The following ANGPT2 variants were observed in gnomAD, a reference collection of about 807,000 sequenced individuals.
ANGPT2 encodes the protein angiopoietin-2.
In ANGPT2, 28 loss-of-function variants were observed where a neutral mutation model predicts 62.9. The observed-to-expected ratio is 0.44, with a 90% CI of 0.33 to 0.61. The LOEUF is 0.61. Ranked by LOEUF, ANGPT2 falls within the 20% of genes least tolerant of loss-of-function variation. ANGPT2 has a pLI of 0.03. For synonymous variants in ANGPT2, 284 were observed against 207.8 expected (o/e 1.37, Z -3.15); for missense variants, 727 against 594.9 (o/e 1.22, Z -2.31).
chr8:6,516,081 C>A (rs1173754706), intron 5 of ANGPT2, among the ~76,000 whole-genome samples: 2 of 152,144 alleles, frequency 1.3e-5, no homozygotes, highest in African/African-American at 4.8e-5. Flanking sequence ...GTATTGCCTT[C>A]CCCAGTGGCA....
At chr8:6,533,613 C>G (rs542641530) in intron 1 of ANGPT2, among the ~76,000 whole-genome samples, 1 of 136,282 alleles carries the variant, frequency 7.3e-6, no homozygotes, top group East Asian at 2.4e-4. Flanking sequence ...ATGATGGGAA[C>G]CATTCTTCCA....
intron 2 of ANGPT2, 56 bp from the exon 3 acceptor site, chr8:6,527,732 T>A: frequency 6.8e-7 from 1 of 1,476,370 alleles, no homozygotes; most frequent in Non-Finnish European, 9.1e-7. Context: ...TTTAACTTTC[T>A]AACTTCCTTT....
chr8:6,550,600 G>C (rs1026469260), intron 1 of ANGPT2, among the ~76,000 whole-genome samples: 1 of 152,260 alleles, frequency 6.6e-6, no homozygotes, highest in African/African-American at 2.4e-5. Flanking sequence ...GGGCTGTGTA[G>C]GGTGGCGGGC....
chr8:6,537,567 C>T (rs541432338), intron 1 of ANGPT2, among the ~76,000 whole-genome samples: 1 of 150,672 alleles, frequency 6.6e-6, no homozygotes, highest in African/African-American at 2.4e-5. Flanking sequence ...TATATGTTTA[C>T]ATTAATATAT....
intron 1 of ANGPT2, among the ~76,000 whole-genome samples, chr8:6,536,998 A>G (rs1372017347): frequency 6.7e-6 from 1 of 148,228 alleles, no homozygotes; most frequent in Non-Finnish European, 1.5e-5. Flanking sequence ...AAACCAACCC[A>G]GTAAATAAGC....
At chr8:6,556,453 C>T (rs1036247526) in intron 1 of ANGPT2, among the ~76,000 whole-genome samples, 10 of 152,090 alleles carry the variant, frequency 6.6e-5, no homozygotes, top group Admixed American at 5.2e-4. Context: ...ACATCATCCC[C>T]ACCCCACAGT....
In ANGPT2 at chr8:6,526,434, C is replaced by CA. The variant is rs796967069; in HGVS notation, c.566+1120dup. The stretch of plus-strand genomic sequence containing the variant: ...GGGCAACCAGAGTGAGACCCTGTCT[C>CA]AAAAAAAAAACACAGAAAAGAAAAT... On this transcript the variant is annotated intron_variant, in intron 3 of 8. Coordinates refer to ENST00000629816, the MANE Select transcript of ANGPT2 (RefSeq NM_001118887.2). Among the ~76,000 whole-genome samples the CA allele has an allele frequency of 6.1e-3, 848 of 138,840 alleles. 5 individuals are homozygous for CA. The highest frequency in any genetic ancestry group is 0.018 in the African/African-American group (687 of 37,586). The allele number at this position is 138,840 out of a possible 152,430, so 91.1% of individuals were successfully genotyped here. A position where few individuals can be genotyped will look rare whatever the true frequency, so the allele number is the denominator to read the frequency against.
Position 6,527,627 on chromosome 8 carries a change from A to G in ANGPT2, c.494T>C (p.Leu165Pro), listed in dbSNP as rs766438954. The G allele has an allele frequency of 1.2e-6, 2 of 1,613,992 alleles. No individual in the cohort carries two copies. Among genetic ancestry groups the G allele is most frequent in the Non-Finnish European group, 1.7e-6 (2 of 1,179,954 alleles). The stretch of plus-strand genomic sequence containing the variant: ...CTGTTTTTCCAATTTGTTTGTCGAG[A>G]GGGAGTGTTCCAAGAGCTGAAGTTC... ...RLELQLLEHS[L>P]STNKLEKQIL... The change falls in exon 3 of 9, where the codon CTC becomes CCC. Residue 165 changes from leucine (L) to proline (P), a missense_variant. Leu to Pro is a moderately conservative substitution (Grantham distance 98). Coordinates refer to ENST00000629816, the MANE Select transcript of ANGPT2 (RefSeq NM_001118887.2).
At chr8:6,504,317 C>CA (rs35379672) in intron 8 of ANGPT2, among the ~76,000 whole-genome samples, 47,850 of 85,738 alleles carry the variant, frequency 0.56, 13,977 homozygotes, top group Middle Eastern at 0.73. Flanking sequence ...GACTCCAGCT[C>CA]AAAAAAAAAA....
At chr8:6,537,655 A>G (rs1011214957) in intron 1 of ANGPT2, among the ~76,000 whole-genome samples, 4 of 152,060 alleles carry the variant, frequency 2.6e-5, no homozygotes, top group African/African-American at 9.7e-5. Context: ...TTGACAGGAA[A>G]AATAGGTCCA....
Position 6,502,967 on chromosome 8 carries a change from A to G in ANGPT2, c.*134T>C. 4 of 988,970 alleles carry G rather than the reference A, an allele frequency of 4.0e-6. No individual in the cohort carries two copies. The highest frequency in any genetic ancestry group is 4.5e-6 in the Non-Finnish European group (3 of 669,832). The allele number at this position is 988,970 out of a possible 1,614,324, so 61.3% of individuals were successfully genotyped here. On this transcript the variant is annotated 3_prime_UTR_variant, in exon 9 of 9. Coordinates refer to ENST00000629816, the MANE Select transcript of ANGPT2 (RefSeq NM_001118887.2). Reference sequence around the variant, plus strand: ...AAGTTTACAGGCTCTAATCTGGAGCATGTGGGTCCCGTCAGCACCGAGCAC... The same window carrying G: ...AAGTTTACAGGCTCTAATCTGGAGCGTGTGGGTCCCGTCAGCACCGAGCAC...
intron 1 of ANGPT2, among the ~76,000 whole-genome samples, chr8:6,542,204 C>G (rs543395713): frequency 1.2e-4 from 19 of 152,172 alleles, no homozygotes; most frequent in African/African-American, 3.4e-4. Context: ...AACAAAATGT[C>G]TCAGTGTTTT....
intron 2 of ANGPT2, among the ~76,000 whole-genome samples, chr8:6,529,353 G>T (rs1819005351): frequency 6.6e-6 from 1 of 152,082 alleles, no homozygotes; most frequent in Non-Finnish European, 1.5e-5. Flanking sequence ...TTGAATTTAA[G>T]TCTGTTTCAC....
At chr8:6,531,509 C>G (rs1819510219) in intron 2 of ANGPT2, among the ~76,000 whole-genome samples, 1 of 152,090 alleles carries the variant, frequency 6.6e-6, no homozygotes, top group African/African-American at 2.4e-5. Context: ...CCAGGCTGGT[C>G]TCGAACTCCT....
At chr8:6,519,481 C>T (rs978969804) in intron 5 of ANGPT2, among the ~76,000 whole-genome samples, 36 of 152,194 alleles carry the variant, frequency 2.4e-4, no homozygotes, top group African/African-American at 8.7e-4. Flanking sequence ...AATTTCATGA[C>T]ACCTCTATGG....
intron 1 of ANGPT2, among the ~76,000 whole-genome samples, chr8:6,534,549 G>A (rs1007413103): frequency 2.5e-4 from 38 of 152,238 alleles, no homozygotes; most frequent in African/African-American, 7.0e-4. Flanking sequence ...GACTACGAGC[G>A]TGAGCCAGCA....
chr8:6,526,853 T>A (rs1330868414), intron 3 of ANGPT2, among the ~76,000 whole-genome samples: 1 of 152,218 alleles, frequency 6.6e-6, no homozygotes, highest in African/African-American at 2.4e-5. Flanking sequence ...AACAGACATA[T>A]GAAAACAGTC....
At chr8:6,507,150 G>A (rs949129440) in intron 8 of ANGPT2, among the ~76,000 whole-genome samples, 2 of 152,118 alleles carry the variant, frequency 1.3e-5, no homozygotes, top group East Asian at 3.9e-4. Context: ...CATCCACCTT[G>A]GCCTCCCAAA....
chr8:6,540,732 A>G (rs558230535), intron 1 of ANGPT2, among the ~76,000 whole-genome samples: 6 of 152,282 alleles, frequency 3.9e-5, no homozygotes, highest in Non-Finnish European at 8.8e-5. Flanking sequence ...GGTTTCCCCA[A>G]AAGCAGAGCC....
Sources: gnomAD v4.1 joint callset for allele counts (sites outside exome capture counted in the v4.1 genomes callset) on GRCh38, gnomAD v4.1.1 for gene constraint, MANE v1.5 for transcripts, NCBI Gene and HGNC (gene_info 2026-07-23, HGNC 2026-07-21) for gene names.